The following IQSEC1 variants were observed in gnomAD, a reference collection of about 807,000 sequenced individuals.
The protein encoded by IQSEC1 is IQ motif and Sec7 domain ArfGEF 1.
In IQSEC1, 31 loss-of-function variants were observed where a neutral mutation model predicts 91.0. That is an observed-to-expected ratio of 0.34 (90% CI 0.26 to 0.46). The LOEUF is 0.46. Ranked by LOEUF, IQSEC1 falls within the 20% of genes least tolerant of loss-of-function variation. IQSEC1 has a pLI of 1.00. For synonymous variants in IQSEC1, 699 were observed against 662.6 expected (o/e 1.05, Z -0.84); for missense variants, 1,388 against 1,575.6 (o/e 0.88, Z 2.02).
chr3:13,023,630 C>A (rs1023037628), intron 1 of IQSEC1, among the ~76,000 whole-genome samples: 2 of 152,200 alleles, frequency 1.3e-5, no homozygotes, highest in South Asian at 4.1e-4. Context: ...TCCCCAGGCC[C>A]CACCCCCGGC....
chr3:13,071,406 C>T (rs1323895100), intron 1 of IQSEC1, among the ~76,000 whole-genome samples: 5 of 152,086 alleles, frequency 3.3e-5, no homozygotes, highest in Non-Finnish European at 7.4e-5. Flanking sequence ...CACATTTCAT[C>T]CTCATGACAT....
rs1411964137 is a variant in IQSEC1, at chr3:12,900,077, A to G, written c.*906T>C. The G allele has an allele frequency of 1.0e-6, 1 of 985,132 alleles. No homozygotes were observed. Among genetic ancestry groups the G allele is most frequent in the Non-Finnish European group, 1.2e-6 (1 of 829,660 alleles). 61.0% of individuals were successfully genotyped at this position (985,132 alleles called of 1,614,324 possible). ...TTGTAACCAGCTGTCCTGAGTTGCT[A>G]CTGTAGAGTGTACTGCAGTTTAGCT... On this transcript the variant is annotated 3_prime_UTR_variant, in exon 14 of 14. Transcript: ENST00000613206.
In IQSEC1 at chr3:13,042,681, T is replaced by TC. The variant is rs750388196; in HGVS notation, c.23+30310dup. Reference sequence around the variant, plus strand: ...ACACACCAAGGCAGCTCTGGCTGTATCAAGTTGTGGGGGCCCCCAGTCCAT... The same window carrying TC: ...ACACACCAAGGCAGCTCTGGCTGTATCCAAGTTGTGGGGGCCCCCAGTCCAT... On this transcript the variant is annotated intron_variant, in intron 1 of 13. Transcript: ENST00000613206. 7.5e-4 allele frequency among the ~76,000 whole-genome samples: 114 copies of TC among 152,226 alleles called. 1 individual carries two copies. The highest frequency in any genetic ancestry group is 1.5e-3 in the South Asian group (7 of 4,818).
At chr3:13,205,183 T>C (rs1042536636) in intron 1 of IQSEC1, among the ~76,000 whole-genome samples, 2 of 151,932 alleles carry the variant, frequency 1.3e-5, no homozygotes, top group African/African-American at 4.8e-5. Context: ...CCAGCGCACA[T>C]CTCCCACCCC....
rs997328171 is a variant in IQSEC1, at chr3:12,967,205, G to A, written c.24-25340C>T. ...CCACGCACAAACTCGGGTCCTGTTT[G>A]CTCTTCTCTCACCCAAACCCACAGT... is the stretch of plus-strand genomic sequence containing the variant. On this transcript the variant is annotated intron_variant, in intron 1 of 13. Coordinates refer to ENST00000613206, the MANE Select transcript of IQSEC1 (RefSeq NM_001134382.3). The surrounding 1 kb of genome is among the most constrained non-coding windows in gnomAD (Gnocchi z 5.9). 6.6e-6 allele frequency among the ~76,000 whole-genome samples: 1 copy of A among 152,184 alleles called. No individual in the cohort carries two copies. Among genetic ancestry groups the A allele is most frequent in the African/African-American group, 2.4e-5 (1 of 41,444 alleles).
At chr3:13,071,740 C>T (rs1200980488) in intron 1 of IQSEC1, among the ~76,000 whole-genome samples, 1 of 151,632 alleles carries the variant, frequency 6.6e-6, no homozygotes, top group African/African-American at 2.4e-5. Context: ...CCACCGCCAT[C>T]CCCCAAACCA....
intron 1 of IQSEC1, among the ~76,000 whole-genome samples, chr3:13,032,887 T>C (rs951950732): frequency 3.9e-5 from 6 of 152,148 alleles, no homozygotes; most frequent in Non-Finnish European, 5.9e-5. Flanking sequence ...TTTAAAACAT[T>C]ATATATAAAG....
chr3:13,154,250 C>A (rs1421271702), intron 2 of IQSEC1, among the ~76,000 whole-genome samples: 1 of 150,532 alleles, frequency 6.6e-6, no homozygotes, highest in African/African-American at 2.4e-5. Flanking sequence ...CATTAGTGGG[C>A]AGGGTCACCG....
intron 1 of IQSEC1, among the ~76,000 whole-genome samples, chr3:13,018,741 G>T (rs1703259679): frequency 6.6e-6 from 1 of 152,202 alleles, no homozygotes. Flanking sequence ...GGAAACAGGG[G>T]CTCAGGGAGG....
In IQSEC1 at chr3:13,163,124, C is replaced by T. The variant is rs1707207963; in HGVS notation, c.302+980G>A. Among the ~76,000 whole-genome samples the T allele has an allele frequency of 2.0e-5, 3 of 152,158 alleles. No homozygotes were observed. The South Asian group carries it at 6.2e-4, about 31-fold the overall frequency. On this transcript the variant is annotated intron_variant, in intron 2 of 15. Coordinates refer to the IQSEC1 transcript ENST00000648114. Reference sequence around the variant, plus strand: ...CTGCCAGTGTCCCCTGCTCCAAGCACATAGCCGACTGCCCCAAGTATAAGA... The same window carrying T: ...CTGCCAGTGTCCCCTGCTCCAAGCATATAGCCGACTGCCCCAAGTATAAGA...
At chr3:13,240,521 G>A (rs1200465286) in intron 1 of IQSEC1, among the ~76,000 whole-genome samples, 1 of 152,206 alleles carries the variant, frequency 6.6e-6, no homozygotes, top group Non-Finnish European at 1.5e-5. Flanking sequence ...TGTGGCAGAG[G>A]CTGTGATGAA....
intron 1 of IQSEC1, among the ~76,000 whole-genome samples, chr3:13,174,781 G>C (rs1693692367): frequency 6.6e-6 from 1 of 152,072 alleles, no homozygotes; most frequent in African/African-American, 2.4e-5. Context: ...TGCCCTCGCT[G>C]GCACGTCAAG....
intron 1 of IQSEC1, among the ~76,000 whole-genome samples, chr3:13,180,816 C>A (rs1293280791): frequency 6.6e-6 from 1 of 151,654 alleles, no homozygotes; most frequent in African/African-American, 2.4e-5. Context: ...GCCAGCGAGA[C>A]CACGAACCCA....
chr3:13,205,730 C>T (rs1442496871), intron 1 of IQSEC1, among the ~76,000 whole-genome samples: 1 of 151,208 alleles, frequency 6.6e-6, no homozygotes, highest in East Asian at 2.0e-4. Flanking sequence ...ATCCAACTAT[C>T]CCTTCATCCA....
At position 12,909,731 on chromosome 3, in the gene IQSEC1, G is replaced by A. The variant is rs1487793595; in HGVS notation, c.2417-297C>T. ...CAGAGGTTGCGTCCTGAGAAAGGTG[G>A]GAGTCTTCTCTAGTCATCTCAGTTC... On this transcript the variant is annotated intron_variant, in intron 10 of 13. Transcript: ENST00000613206. This position sits in a 1 kb window ranked among gnomAD's most constrained non-coding sequence, Gnocchi z 4.9. 6.6e-6 allele frequency among the ~76,000 whole-genome samples: 1 copy of A among 152,198 alleles called. No individual in the cohort carries two copies.
intron 6 of IQSEC1, among the ~76,000 whole-genome samples, chr3:12,920,199 C>G (rs989142613): frequency 9.2e-5 from 14 of 152,366 alleles, no homozygotes; most frequent in Admixed American, 2.0e-4. Flanking sequence ...TTCCCAACAC[C>G]TCGAGACCCC....
At chr3:13,226,908 C>G (rs1227845492) in intron 1 of IQSEC1, among the ~76,000 whole-genome samples, 1 of 152,146 alleles carries the variant, frequency 6.6e-6, no homozygotes, top group Non-Finnish European at 1.5e-5. Flanking sequence ...GCCTCCACCC[C>G]CAAGGACTGG....
rs186124560 is a variant in IQSEC1, at chr3:12,952,740, T to G, written c.24-10875A>C. Among the ~76,000 whole-genome samples the G allele has an allele frequency of 1.7e-3, 258 of 152,304 alleles. 1 individual carries two copies. The highest frequency in any genetic ancestry group is 5.4e-3 in the African/African-American group (224 of 41,574). ...ACCCCAAGACCTGTGCAGGTGCTGTTCCCACTGCTCAGAGCGGACTTCCCC... is the reference window on the plus strand; with the variant it reads ...ACCCCAAGACCTGTGCAGGTGCTGTGCCCACTGCTCAGAGCGGACTTCCCC... On this transcript the variant is annotated intron_variant, in intron 1 of 13. Transcript: ENST00000613206.
intron 1 of IQSEC1, among the ~76,000 whole-genome samples, chr3:13,033,821 G>A (rs1703933891): frequency 6.6e-6 from 1 of 152,114 alleles, no homozygotes; most frequent in Non-Finnish European, 1.5e-5. Flanking sequence ...GCCTGGGGAG[G>A]GCAGTCGGCT....
Sources: allele counts gnomAD v4.1 joint callset (sites outside exome capture counted in the v4.1 genomes callset), GRCh38; gene constraint gnomAD v4.1.1; non-coding constraint Gnocchi (gnomAD v3.1); transcripts MANE v1.5; gene names NCBI Gene and HGNC (gene_info 2026-07-23, HGNC 2026-07-21).